Variants in LRP1B observed in about 807,000 individuals in gnomAD.
The protein encoded by LRP1B is low-density lipoprotein receptor-related protein 1B.
A neutral mutation model predicts 556.6 loss-of-function variants in LRP1B; 217 were observed. That is an observed-to-expected ratio of 0.39 (90% CI 0.35 to 0.44). The LOEUF is 0.44. LRP1B is among the 20% of genes least tolerant of loss of function. The pLI, the probability that LRP1B is intolerant of heterozygous loss-of-function variation, is 1.00. For missense variants in LRP1B, 5,053 were observed against 5,620.8 expected, an observed-to-expected ratio of 0.90 and a Z score of 3.23; for synonymous variants, 2,047 against 1,865.8, an observed-to-expected ratio of 1.10 and a Z score of -2.50.
intron 41 of LRP1B, among the ~76,000 whole-genome samples, chr2:140,655,555 C>T (rs1183229244): frequency 6.6e-6 from 1 of 152,130 alleles, no homozygotes; most frequent in African/African-American, 2.4e-5. Flanking sequence ...GGAAGAGAAA[C>T]TCAAAGAATG....
intron 3 of LRP1B, among the ~76,000 whole-genome samples, chr2:141,428,445 C>T (rs1680451425): frequency 1.3e-5 from 2 of 152,106 alleles, no homozygotes; most frequent in South Asian, 4.1e-4. Context: ...AAGCTAAAAA[C>T]TTATTAATAG....
At chr2:141,095,735 A>G (rs1283488295) in intron 7 of LRP1B, among the ~76,000 whole-genome samples, 2 of 152,100 alleles carry the variant, frequency 1.3e-5, no homozygotes, top group Non-Finnish European at 2.9e-5. Flanking sequence ...TGTTCTCAAC[A>G]TGAATGTGAT....
rs111443507 is a variant in LRP1B at position 140,508,876 on chromosome 2, G to A, written c.8398+1052C>T. 4.9e-4 allele frequency among the ~76,000 whole-genome samples: 74 copies of A among 152,182 alleles called. 1 individual carries two copies. Among genetic ancestry groups the A allele is most frequent in the African/African-American group, 1.7e-3 (70 of 41,524 alleles). On this transcript the variant is annotated intron_variant, in intron 52 of 90. Coordinates refer to ENST00000389484, the MANE Select transcript of LRP1B (RefSeq NM_018557.3). ...GCATACTGGGACCATCTGGATCCCT[G>A]AATTGATGCATAATCCTTTATTATG...
chr2:140,485,302 T>C (rs778484006), intron 59 of LRP1B, 41 bp downstream of exon 59: 1 of 1,496,114 alleles, frequency 6.7e-7, no homozygotes, highest in Non-Finnish European at 9.2e-7. Flanking sequence ...ATGAATGTAA[T>C]CCAGTCTTAA....
chr2:140,743,043 T>C (rs1688192771), intron 35 of LRP1B, among the ~76,000 whole-genome samples: 1 of 152,194 alleles, frequency 6.6e-6, no homozygotes, highest in South Asian at 2.1e-4. Context: ...ATTTCTATTA[T>C]AAATTTGAAA....
At chr2:141,882,581 C>T (rs1363854013) in intron 1 of LRP1B, among the ~76,000 whole-genome samples, 4 of 152,092 alleles carry the variant, frequency 2.6e-5, no homozygotes, top group African/African-American at 9.7e-5. Context: ...ACCCAATAAG[C>T]GTCAAATCTC....
chr2:140,494,170 A>G (rs1167840543), intron 56 of LRP1B, among the ~76,000 whole-genome samples: 2 of 152,202 alleles, frequency 1.3e-5, no homozygotes, highest in African/African-American at 4.8e-5. Flanking sequence ...TTCTAAGTAT[A>G]ATTGCTAATA....
chr2:140,549,061 T>C (rs112796779), intron 43 of LRP1B, among the ~76,000 whole-genome samples: 5,166 of 152,290 alleles, frequency 0.034, 118 homozygotes, highest in African/African-American at 0.063. Context: ...CCCTCCCATA[T>C]GAGCAATCAC....
intron 32 of LRP1B, among the ~76,000 whole-genome samples, chr2:140,791,414 G>T (rs530863823): frequency 6.6e-6 from 1 of 152,188 alleles, no homozygotes; most frequent in East Asian, 1.9e-4. Context: ...GGGTGACAGA[G>T]TGAGACCCTG....
Position 140,629,900 on chromosome 2 carries a change from C to CT in LRP1B, c.6800-28262dup, listed in dbSNP as rs202006420. On this transcript the variant is annotated intron_variant, in intron 41 of 90. Coordinates refer to ENST00000389484, the MANE Select transcript of LRP1B (RefSeq NM_018557.3). ...AAAAGAAACACAGGTAGTGCTAAAA[C>CT]TTTTTTCACTGCAATCAAACCCAAA... Among the ~76,000 whole-genome samples the CT allele has an allele frequency of 6.3e-3, 955 of 152,232 alleles. 30 individuals are homozygous for CT. Among genetic ancestry groups the CT allele is most frequent in the Admixed American group, 0.054 (833 of 15,290 alleles).
At chr2:141,362,610 A>G (rs1471229134) in intron 3 of LRP1B, among the ~76,000 whole-genome samples, 6 of 152,254 alleles carry the variant, frequency 3.9e-5, no homozygotes. Flanking sequence ...TAAAATATGC[A>G]TATGACATTT....
intron 18 of LRP1B, among the ~76,000 whole-genome samples, chr2:140,954,647 T>C (rs940034984): frequency 1.3e-5 from 2 of 151,932 alleles, no homozygotes; most frequent in African/African-American, 4.8e-5. Context: ...TCTGAATATA[T>C]AAAAAAAGTT....
chr2:141,791,571 T>A (rs1232975327), intron 2 of LRP1B, among the ~76,000 whole-genome samples: 1 of 152,078 alleles, frequency 6.6e-6, no homozygotes, highest in Admixed American at 6.6e-5. Flanking sequence ...ATATTTGCAA[T>A]TGTTCCTTTA....
At chr2:141,104,117 T>G (rs960710270) in intron 7 of LRP1B, among the ~76,000 whole-genome samples, 1 of 152,082 alleles carries the variant, frequency 6.6e-6, no homozygotes, top group African/African-American at 2.4e-5. Context: ...CAAACTTTTC[T>G]TAAAAAATAA....
chr2:141,872,747 A>G (rs1385717792), intron 1 of LRP1B, among the ~76,000 whole-genome samples: 1 of 151,772 alleles, frequency 6.6e-6, no homozygotes. Context: ...AATCATTTAC[A>G]AAAAAAATGG....
chr2:141,866,031 C>T (rs556381943), intron 1 of LRP1B, among the ~76,000 whole-genome samples: 30 of 152,224 alleles, frequency 2.0e-4, no homozygotes, highest in Non-Finnish European at 4.3e-4. Context: ...TTCGATTTCA[C>T]TGAGCAGAGC....
intron 43 of LRP1B, among the ~76,000 whole-genome samples, chr2:140,571,551 A>G (rs943393451): frequency 2.6e-5 from 4 of 151,848 alleles, no homozygotes; most frequent in Non-Finnish European, 5.9e-5. Flanking sequence ...TATGGTTTAG[A>G]TGAATCAATA....
intron 3 of LRP1B, among the ~76,000 whole-genome samples, chr2:141,446,251 T>C (rs184879402): frequency 2.6e-5 from 4 of 152,282 alleles, no homozygotes; most frequent in Non-Finnish European, 4.4e-5. Context: ...TTTTTTGCTT[T>C]TGATTTGTTT....
chr2:140,740,449 A>G (rs1348534521), intron 35 of LRP1B, among the ~76,000 whole-genome samples: 3 of 152,126 alleles, frequency 2.0e-5, no homozygotes, highest in Non-Finnish European at 4.4e-5. Flanking sequence ...GGTATGTGGG[A>G]GCTAAGCTAT....
Sources: allele counts gnomAD v4.1 joint callset (sites outside exome capture counted in the v4.1 genomes callset), GRCh38; gene constraint gnomAD v4.1.1; transcripts MANE v1.5; gene names NCBI Gene and HGNC (gene_info 2026-07-23, HGNC 2026-07-21).